The following PTPRK variants were observed in gnomAD, a reference collection of about 807,000 sequenced individuals.
PTPRK encodes protein tyrosine phosphatase receptor type K, also known as receptor-type tyrosine-protein phosphatase kappa.
PTPRK carries 75 observed loss-of-function variants against 178.0 expected under a neutral mutation model. That is an observed-to-expected ratio of 0.42 (90% confidence interval 0.35 to 0.51). The LOEUF (loss-of-function observed/expected upper bound fraction) is 0.51, where lower values mean the gene tolerates loss of function less well. PTPRK is among the 20% of genes least tolerant of loss of function. The pLI, the probability that PTPRK is intolerant of heterozygous loss-of-function variation, is 0.02. For missense variants in PTPRK, 1,441 were observed against 1,797.8 expected, an observed-to-expected ratio of 0.80 and a Z score of 3.59; for synonymous variants, 637 against 620.6, an observed-to-expected ratio of 1.03 and a Z score of -0.39.
chr6:128,006,052 C>T (rs763675234), intron 14 of PTPRK: 12 of 1,568,196 alleles, frequency 7.7e-6, no homozygotes, highest in Middle Eastern at 1.7e-4. Context: ...AATAGTAGCT[C>T]CTCCTGGCAA....
chr6:128,204,729 T>C (rs1280569909), intron 6 of PTPRK, among the ~76,000 whole-genome samples: 1 of 151,044 alleles, frequency 6.6e-6, no homozygotes, highest in Non-Finnish European at 1.5e-5. Context: ...TACCATCTCA[T>C]ATCAGTCAGA....
chr6:128,461,481 G>GC (rs1314760387), intron 1 of PTPRK, among the ~76,000 whole-genome samples: 1 of 149,840 alleles, frequency 6.7e-6, no homozygotes, highest in Non-Finnish European at 1.5e-5. Flanking sequence ...ACATTGACCT[G>GC]TTTTTTTTTC....
chr6:128,308,504 G>A (rs994005998), intron 3 of PTPRK, among the ~76,000 whole-genome samples: 1 of 151,656 alleles, frequency 6.6e-6, no homozygotes, highest in Non-Finnish European at 1.5e-5. Flanking sequence ...AAGAAAAAAC[G>A]ATCAAAAAAG....
At chr6:128,003,733 G>A (rs1022227863) in intron 15 of PTPRK, among the ~76,000 whole-genome samples, 1 of 151,668 alleles carries the variant, frequency 6.6e-6, no homozygotes, top group Admixed American at 6.6e-5. Flanking sequence ...AACCTTAATT[G>A]ATTAAATATT....
At chr6:128,097,818 TCAAG>T (rs1479271037) in intron 7 of PTPRK, among the ~76,000 whole-genome samples, 10 of 152,186 alleles carry the variant, frequency 6.6e-5, no homozygotes, top group Non-Finnish European at 1.2e-4. Context: ...TTCTGTAGGA[TCAAG>T]CTTTATTTTT....
chr6:128,089,876 T>C lies in PTPRK; in HGVS notation c.1279A>G (p.Ile427Val), dbSNP rs545192765. 7 of 1,613,956 alleles carry C rather than the reference T, an allele frequency of 4.3e-6. No individual in the cohort carries two copies. The highest frequency in any genetic ancestry group is 2.7e-5 in the African/African-American group (2 of 75,038). Residue 427 changes from isoleucine to valine, a missense_variant, in exon 8 of 30, where the codon ATC (isoleucine) becomes GTC (valine). Around this residue, in one of 4 missense-constraint regions of PTPRK, gnomAD observed 945 missense variants for 1,080.6 expected, o/e 0.87. Coordinates refer to ENST00000368226, the MANE Select transcript of PTPRK (RefSeq NM_002844.4). ...TGACCACGGAAGTAATGGTAGCAGATAGTGACATTAAAAGTGTGGCAACGC... is the reference window on the plus strand; with the variant it reads ...TGACCACGGAAGTAATGGTAGCAGACAGTGACATTAAAAGTGTGGCAACGC... Reference protein sequence around the residue: ...ITRCHTFNVTICYHYFRGHNE... With the variant: ...ITRCHTFNVTVCYHYFRGHNE...
chr6:128,470,403 G>GT (rs36070444), intron 1 of PTPRK, among the ~76,000 whole-genome samples: 7,103 of 149,630 alleles, frequency 0.047, 248 homozygotes, highest in African/African-American at 0.1. Context: ...CCTCTAATGC[G>GT]TTTTTTTTTA....
chr6:128,336,563 T>C (rs1317539961), intron 2 of PTPRK, among the ~76,000 whole-genome samples: 1 of 152,196 alleles, frequency 6.6e-6, no homozygotes, highest in Non-Finnish European at 1.5e-5. Flanking sequence ...TATTGTGATA[T>C]ACTTTCAGGC....
At chr6:128,055,129 T>G in intron 13 of PTPRK, among the ~76,000 whole-genome samples, 1 of 152,218 alleles carries the variant, frequency 6.6e-6, no homozygotes. Flanking sequence ...TTTAAGAAAC[T>G]ATTTCATTAA....
chr6:128,154,583 A>T (rs554798230), intron 7 of PTPRK, among the ~76,000 whole-genome samples: 1 of 151,940 alleles, frequency 6.6e-6, no homozygotes, highest in Admixed American at 6.6e-5. Flanking sequence ...CACAAATTAC[A>T]CTACCTCATT....
At chr6:128,360,225 C>T (rs571983749) in intron 2 of PTPRK, among the ~76,000 whole-genome samples, 2 of 152,280 alleles carry the variant, frequency 1.3e-5, no homozygotes, top group African/African-American at 2.4e-5. Context: ...GAAATTTTAA[C>T]TCCTCCTATT....
At chr6:128,383,079 CAGA>C (rs1214002194) in intron 2 of PTPRK, among the ~76,000 whole-genome samples, 1 of 152,122 alleles carries the variant, frequency 6.6e-6, no homozygotes, top group Non-Finnish European at 1.5e-5. Flanking sequence ...TCAAAGAGAA[CAGA>C]AGAAATAGTC....
intron 13 of PTPRK, among the ~76,000 whole-genome samples, chr6:128,013,307 C>A (rs1011577077): frequency 1.3e-5 from 2 of 151,404 alleles, no homozygotes; most frequent in African/African-American, 4.8e-5. Flanking sequence ...TACTTTCTGG[C>A]TTGGTGATCT....
intron 13 of PTPRK, among the ~76,000 whole-genome samples, chr6:128,030,569 T>C (rs2114795317): frequency 6.6e-6 from 1 of 152,334 alleles, no homozygotes; most frequent in South Asian, 2.1e-4. Context: ...GCTGTGCATC[T>C]TGAAATTGCA....
chr6:127,974,417 T>C (rs749643368), intron 27 of PTPRK, among the ~76,000 whole-genome samples: 15 of 152,220 alleles, frequency 9.9e-5, no homozygotes, highest in Non-Finnish European at 1.8e-4. Context: ...GGACTTTGCA[T>C]ATACTGTATG....
chr6:128,017,867 C>T lies in PTPRK; in HGVS notation c.2195-8599G>A, dbSNP rs1312079728. Among the ~76,000 whole-genome samples the T allele has an allele frequency of 2.3e-4, 31 of 136,514 alleles. No homozygotes were observed. In the Admixed American group the frequency reaches 2.4e-3, roughly 10 times the overall value. 89.6% of individuals were successfully genotyped at this position (136,514 alleles called of 152,430 possible). The stretch of plus-strand genomic sequence containing the variant: ...ATAGTGAGTCCTGAGATATCTCCAC[C>T]AGCCACTGTAAGTCCAGCAATGTAT... On this transcript the variant is annotated intron_variant, in intron 13 of 29. Coordinates refer to ENST00000368226, the MANE Select transcript of PTPRK (RefSeq NM_002844.4).
chr6:128,478,002 T>C (rs867481806), intron 1 of PTPRK, among the ~76,000 whole-genome samples: 3 of 152,114 alleles, frequency 2.0e-5, no homozygotes, highest in African/African-American at 7.2e-5. Flanking sequence ...AGATACAATT[T>C]AAGTATCACC....
chr6:128,124,045 T>G lies in PTPRK; in HGVS notation c.1163-34053A>C, dbSNP rs906956433. On this transcript the variant is annotated intron_variant, in intron 7 of 29. Coordinates refer to ENST00000368226, the MANE Select transcript of PTPRK (RefSeq NM_002844.4). ...AATAATCCCTTCATTAAAACTTGTT[T>G]TTTTTTTTTTTTCCTTGAGACAGAG... 2.8e-5 allele frequency among the ~76,000 whole-genome samples: 4 copies of G among 144,140 alleles called. No individual in the cohort carries two copies. In the South Asian group the frequency reaches 8.9e-4, roughly 32 times the overall value. The allele number at this position is 144,140 out of a possible 152,430, so 94.6% of individuals were successfully genotyped here.
At chr6:128,249,297 T>A (rs1816046851) in intron 3 of PTPRK, among the ~76,000 whole-genome samples, 2 of 138,218 alleles carry the variant, frequency 1.4e-5, no homozygotes, top group African/African-American at 6.3e-5. Context: ...GTGGTGTGAT[T>A]TAAAAAAAAA....
Sources: gnomAD v4.1 joint callset for allele counts (sites outside exome capture counted in the v4.1 genomes callset) on GRCh38, gnomAD v4.1.1 for gene constraint, gnomAD v4.1.1 regional missense constraint, MANE v1.5 for transcripts, NCBI Gene and HGNC (gene_info 2026-07-23, HGNC 2026-07-21) for gene names.